The following IFI27L1 variants were observed in gnomAD, a reference collection of about 807,000 sequenced individuals.
IFI27L1 encodes interferon alpha-inducible protein 27-like protein 1.
A neutral mutation model predicts 9.2 loss-of-function variants in IFI27L1; 3 were observed. The observed-to-expected ratio is 0.32, with a 90% confidence interval of 0.15 to 0.84. The LOEUF (loss-of-function observed/expected upper bound fraction) is 0.84. Ranked by LOEUF, IFI27L1 falls within the 40% of genes least tolerant of loss-of-function variation. IFI27L1 has a pLI of 0.56. For missense variants in IFI27L1, 133 were observed against 134.2 expected (o/e 0.99, Z 0.05); for synonymous variants, 53 against 50.0 (o/e 1.06, Z -0.26).
Position 94,081,467 on chromosome 14 carries a change from C to G in IFI27L1, c.-52+18C>G, listed in dbSNP as rs1016402192. 4 of 152,386 alleles carry G rather than the reference C, an allele frequency of 2.6e-5. No homozygotes were observed. The highest frequency in any genetic ancestry group is 2.6e-4 in the Admixed American group (4 of 15,276). 9.4% of individuals were successfully genotyped at this position (152,386 alleles called of 1,614,324 possible). On this transcript the variant is annotated intron_variant, in intron 1 of 4. Transcript: ENST00000555523. The stretch of plus-strand genomic sequence containing the variant: ...ACAGTAACGTAAGTTTTCTTGTATT[C>G]TTAGTGTAGTTTCGTTACCGGAAAG...
At chr14:94,095,087 T>C (rs1462754472) in intron 1 of IFI27L1, among the ~76,000 whole-genome samples, 1 of 152,078 alleles carries the variant, frequency 6.6e-6, no homozygotes, top group Non-Finnish European at 1.5e-5. Context: ...CGGGCTGGAG[T>C]GCAGTGGCAT....
At chr14:94,101,696 T>C (rs541364453) in intron 3 of IFI27L1, 118 bp from the exon 4 acceptor site, 2 of 1,019,984 alleles carry the variant, frequency 2.0e-6, no homozygotes, top group Admixed American at 2.2e-5. Context: ...ATCCCATCCC[T>C]GCTCAGTCTT....
At chr14:94,098,751 T>C (rs916117413) in intron 2 of IFI27L1, among the ~76,000 whole-genome samples, 1 of 152,086 alleles carries the variant, frequency 6.6e-6, no homozygotes, top group African/African-American at 2.4e-5. Flanking sequence ...GGGTATGGGT[T>C]TGAGAGTGCA....
At chr14:94,099,332 G>C (rs2402411) in intron 2 of IFI27L1, among the ~76,000 whole-genome samples, 75,643 of 151,954 alleles carry the variant, frequency 0.5, 20,289 homozygotes, top group African/African-American at 0.71. Flanking sequence ...GGGGGACGCT[G>C]TCTTCTGGTT....
At chr14:94,101,418 T>C (rs1423878900) in intron 3 of IFI27L1, 3 of 255,016 alleles carry the variant, frequency 1.2e-5, no homozygotes, top group African/African-American at 6.7e-5. Context: ...AGGGCCTCCA[T>C]CCCCTCACCT....
intron 3 of IFI27L1, chr14:94,101,010 C>G: frequency 1.7e-6 from 1 of 605,038 alleles, no homozygotes. Flanking sequence ...CAAGTACAAA[C>G]CATGCAACCC....
At position 94,100,744 on chromosome 14, in the gene IFI27L1, G is replaced by T. The variant is rs754090623; in HGVS notation, c.34G>T (p.Ala12Ser). Residue 12 changes from alanine (A) to serine (S), a missense_variant, in exon 3 of 5, where the codon GCT (alanine) becomes TCT (serine). Physicochemically the swap from Ala to Ser is moderately conservative, Grantham distance 99. Transcript: ENST00000555523. Reference sequence around the variant, plus strand: ...GTTGTTGTTTTTGTCTCCAGGCAGGGCTGCTGTAGCAGCTGTGGTCGGAGG... The same window carrying T: ...GTTGTTGTTTTTGTCTCCAGGCAGGTCTGCTGTAGCAGCTGTGGTCGGAGG... ...GKESGWDSGR[A>S]AVAAVVGGVV... 4.3e-6 allele frequency: 7 copies of T among 1,613,500 alleles called. No homozygotes were observed. In the Admixed American group the frequency reaches 6.7e-5, roughly 15 times the overall value.
intron 1 of IFI27L1, among the ~76,000 whole-genome samples, chr14:94,085,426 C>T (rs528814963): frequency 1.3e-5 from 2 of 152,276 alleles, no homozygotes; most frequent in South Asian, 2.1e-4. Flanking sequence ...GTGCCTGGCA[C>T]ATGGTGAGCT....
intron 1 of IFI27L1, among the ~76,000 whole-genome samples, chr14:94,090,461 T>C (rs1018481567): frequency 6.6e-5 from 10 of 152,188 alleles, no homozygotes; most frequent in African/African-American, 2.4e-4. Context: ...ATTTTTCACA[T>C]AGGCTTTTTA....
rs189122682 is a variant in IFI27L1, at chr14:94,098,514, A to G, written c.28+1549A>G. Among the ~76,000 whole-genome samples, 9 of 152,356 alleles carry G rather than the reference A, an allele frequency of 5.9e-5. No individual in the cohort carries two copies. In the East Asian group the frequency reaches 1.5e-3, roughly 26 times the overall value. ...AAACCCTGTTTCCAATTAAGGTCACATTCACAAGTACCAGATGTTAGGACT... is the reference window on the plus strand; with the variant it reads ...AAACCCTGTTTCCAATTAAGGTCACGTTCACAAGTACCAGATGTTAGGACT... On this transcript the variant is annotated intron_variant, in intron 2 of 4. Coordinates refer to ENST00000555523, the MANE Select transcript of IFI27L1 (RefSeq NM_206949.3).
At chr14:94,082,963 G>A (rs369340008) in intron 1 of IFI27L1, among the ~76,000 whole-genome samples, 1 of 152,220 alleles carries the variant, frequency 6.6e-6, no homozygotes, top group Non-Finnish European at 1.5e-5. Flanking sequence ...GGCTATGGCT[G>A]CCATAGAGAG....
rs1260355828 is a variant in IFI27L1 at position 94,090,845 on chromosome 14, A to G, written c.-51-6042A>G. Reference sequence around the variant, plus strand: ...GATTCTTATTGTACTTATGCAGATAACTATATTGCCATAAATTAAGAATAT... The same window carrying G: ...GATTCTTATTGTACTTATGCAGATAGCTATATTGCCATAAATTAAGAATAT... On this transcript the variant is annotated intron_variant, in intron 1 of 4. Coordinates refer to ENST00000555523, the MANE Select transcript of IFI27L1 (RefSeq NM_206949.3). Among the ~76,000 whole-genome samples, 3 of 152,370 alleles carry G rather than the reference A, an allele frequency of 2.0e-5. No homozygotes were observed. The East Asian group carries it at 5.8e-4, about 29-fold the overall frequency.
intron 1 of IFI27L1, among the ~76,000 whole-genome samples, chr14:94,091,370 TATC>T (rs1402445774): frequency 6.6e-6 from 1 of 152,232 alleles, no homozygotes; most frequent in South Asian, 2.1e-4. Context: ...CACTAAGTCA[TATC>T]ATGATTATAG....
intron 1 of IFI27L1, among the ~76,000 whole-genome samples, chr14:94,087,180 A>G (rs1886309002): frequency 1.3e-5 from 2 of 152,178 alleles, no homozygotes; most frequent in Non-Finnish European, 2.9e-5. Context: ...TAATAATAAC[A>G]ACATGTTTGG....
At chr14:94,093,584 C>T (rs1595393007) in intron 1 of IFI27L1, among the ~76,000 whole-genome samples, 1 of 152,292 alleles carries the variant, frequency 6.6e-6, no homozygotes, top group East Asian at 1.9e-4. Context: ...TGGAGCCCTA[C>T]TCCCATATTT....
chr14:94,099,372 C>T (rs7493218), intron 2 of IFI27L1, among the ~76,000 whole-genome samples: 75,371 of 151,538 alleles, frequency 0.5, 20,134 homozygotes, highest in African/African-American at 0.71. Context: ...ATTAGGACCC[C>T]GACAGAGGCA....
intron 1 of IFI27L1, among the ~76,000 whole-genome samples, chr14:94,086,713 AAAT>A (rs1306045461): frequency 3.3e-5 from 5 of 152,246 alleles, no homozygotes; most frequent in Non-Finnish European, 5.9e-5. Context: ...GAACTTTTGC[AAAT>A]AATAATAATA....
At chr14:94,096,047 G>A (rs1323930122) in intron 1 of IFI27L1, among the ~76,000 whole-genome samples, 2 of 152,166 alleles carry the variant, frequency 1.3e-5, no homozygotes, top group Non-Finnish European at 2.9e-5. Flanking sequence ...GTAAGATGAT[G>A]AGGTCCTGAA....
At chr14:94,097,856 A>T (rs1464414051) in intron 2 of IFI27L1, among the ~76,000 whole-genome samples, 2 of 152,134 alleles carry the variant, frequency 1.3e-5, no homozygotes, top group Non-Finnish European at 2.9e-5. Context: ...GGGTCACTTC[A>T]TGTTTGAGGT....
Sources: gnomAD v4.1 joint callset for allele counts (sites outside exome capture counted in the v4.1 genomes callset) on GRCh38, gnomAD v4.1.1 for gene constraint, MANE v1.5 for transcripts, NCBI Gene and HGNC (gene_info 2026-07-23, HGNC 2026-07-21) for gene names.